SETD1A: variants seen among roughly 807,000 people sequenced by gnomAD.
SETD1A encodes the protein SET domain containing 1A, histone lysine methyltransferase.
In SETD1A, 29 loss-of-function variants were observed where a neutral mutation model predicts 149.9. The observed-to-expected ratio is 0.19, with a 90% CI of 0.14 to 0.26. SETD1A has a LOEUF of 0.26. Among genes scored for constraint, SETD1A ranks in the 10% least tolerant of loss-of-function variants. The probability of loss-of-function intolerance (pLI) is 1.00; values close to 1 mark genes in which losing one functional copy is unlikely to be tolerated. For synonymous variants in SETD1A, 1,141 were observed against 968.5 expected (o/e 1.18, Z -3.31); for missense variants, 2,109 against 2,353.1 (o/e 0.90, Z 2.15).
At chr16:30,964,542 C>A in intron 6 of SETD1A, 70 bp from the exon 7 acceptor site, 1 of 1,561,120 alleles carries the variant, frequency 6.4e-7, no homozygotes. Flanking sequence ...GCTTTGGGCC[C>A]TGGGACCCAG....
chr16:30,976,131 G>A (rs917965724), intron 13 of SETD1A, among the ~76,000 whole-genome samples: 1 of 152,094 alleles, frequency 6.6e-6, no homozygotes, highest in Non-Finnish European at 1.5e-5. Flanking sequence ...TCCAGTCCAG[G>A]CGCGGTGGCT....
At chr16:30,962,849 G>T (rs1245652011) in intron 4 of SETD1A, among the ~76,000 whole-genome samples, 1 of 152,258 alleles carries the variant, frequency 6.6e-6, no homozygotes, top group Non-Finnish European at 1.5e-5. Context: ...AGAGGCTGAG[G>T]CATGAGAATC....
intron 3 of SETD1A, among the ~76,000 whole-genome samples, chr16:30,960,648 G>T (rs1296213967): frequency 2.0e-5 from 3 of 151,868 alleles, no homozygotes; most frequent in Non-Finnish European, 1.5e-5. Context: ...CCTAGTAAAG[G>T]CTGAGCTAGG....
At chr16:30,981,510 GACT>G in intron 17 of SETD1A, among the ~76,000 whole-genome samples, 1 of 152,334 alleles carries the variant, frequency 6.6e-6, no homozygotes, top group East Asian at 1.9e-4. Flanking sequence ...GAGTAGCTGG[GACT>G]ACAGGCGTGT....
chr16:30,979,688 A>G lies in SETD1A; in HGVS notation c.3902A>G (p.Asn1301Ser), dbSNP rs1596691927. ...PLLSHILLEH[N>S]YALAVKPTPP... is the part of the protein sequence containing the mutation. The stretch of plus-strand genomic sequence containing the variant: ...CTCAGCCACATCCTCCTGGAGCACA[A>G]CTATGCCCTGGCCGTCAAGCCCACG... Residue 1301 changes from asparagine to serine, a missense_variant, in exon 14 of 19, where the codon AAC becomes AGC. By Grantham distance (46) the Asn-to-Ser change is conservative. Coordinates refer to ENST00000262519, the MANE Select transcript of SETD1A (RefSeq NM_014712.3). The G allele has an allele frequency of 6.2e-7, 1 of 1,606,376 alleles. No individual in the cohort carries two copies. Among genetic ancestry groups the G allele is most frequent in the East Asian group, 2.2e-5 (1 of 44,810 alleles).
chr16:30,962,848 G>A (rs2056073396), intron 4 of SETD1A, among the ~76,000 whole-genome samples: 1 of 152,234 alleles, frequency 6.6e-6, no homozygotes, highest in Admixed American at 6.5e-5. Context: ...GAGAGGCTGA[G>A]GCATGAGAAT....
chr16:30,965,835 C>A lies in SETD1A; in HGVS notation c.1954C>A (p.Pro652Thr). 1 of 1,606,502 alleles carries A rather than the reference C, an allele frequency of 6.2e-7. No homozygotes were observed. The highest frequency in any genetic ancestry group is 8.5e-7 in the Non-Finnish European group (1 of 1,175,622). The change falls in exon 8 of 19, where the codon CCA (proline) becomes ACA (threonine). Residue 652 changes from proline (P) to threonine (T), a missense_variant. Physicochemically the swap from Pro to Thr is conservative, Grantham distance 38. Coordinates refer to ENST00000262519, the MANE Select transcript of SETD1A (RefSeq NM_014712.3). ...CCCTGAGTACCCCCCACCTCCTCCACCACCCCCGCACATCTATGACTTTGT... is the reference window on the plus strand; with the variant it reads ...CCCTGAGTACCCCCCACCTCCTCCAACACCCCCGCACATCTATGACTTTGT... ...PPPEYPPPPP[P>T]PPHIYDFVNS...
intron 10 of SETD1A, among the ~76,000 whole-genome samples, chr16:30,967,881 C>T (rs938847723): frequency 6.6e-6 from 1 of 152,144 alleles, no homozygotes; most frequent in African/African-American, 2.4e-5. Context: ...GGCATCTCCC[C>T]AAGTTTCCCA....
In SETD1A at chr16:30,965,851, A is replaced by G. The variant is rs2056136185; in HGVS notation, c.1970A>G (p.Tyr657Cys). 2 of 1,594,788 alleles carry G rather than the reference A, an allele frequency of 1.3e-6. No homozygotes were observed. The highest frequency in any genetic ancestry group is 2.2e-5 in the South Asian group (2 of 90,304). Reference sequence around the variant, plus strand: ...CCTCCTCCACCACCCCCGCACATCTATGACTTTGTGAACTCCTTGGAGCTC... The same window carrying G: ...CCTCCTCCACCACCCCCGCACATCTGTGACTTTGTGAACTCCTTGGAGCTC... ...PPPPPPPPHI[Y>C]DFVNSLELMD... is the part of the protein sequence containing the mutation. The change falls in exon 8 of 19, where the codon TAT (tyrosine) becomes TGT (cysteine). Residue 657 changes from tyrosine (Y) to cysteine (C), a missense_variant. Coordinates refer to ENST00000262519, the MANE Select transcript of SETD1A (RefSeq NM_014712.3).
At chr16:30,958,672 G>A (rs1359905220) in intron 1 of SETD1A, 45 bp from the exon 2 acceptor site, 12 of 1,549,660 alleles carry the variant, frequency 7.7e-6, no homozygotes, top group African/African-American at 1.4e-5. Context: ...GGGGAGTCAG[G>A]CCCCAAGTCC....
chr16:30,975,497 C>T (rs921742132), intron 13 of SETD1A, among the ~76,000 whole-genome samples: 15 of 138,500 alleles, frequency 1.1e-4, no homozygotes, highest in African/African-American at 3.5e-4. Context: ...GTGGTGCAAT[C>T]TCGGCTCACT....
chr16:30,960,843 C>T (rs2056043444), intron 3 of SETD1A, among the ~76,000 whole-genome samples: 1 of 140,478 alleles, frequency 7.1e-6, no homozygotes, highest in Non-Finnish European at 1.5e-5. Context: ...TCAAGTGATT[C>T]TCCTGCCTCA....
chr16:30,983,334 C>T lies in SETD1A; in HGVS notation c.4813-301C>T, dbSNP rs545856481. On this transcript the variant is annotated intron_variant, in intron 17 of 18. Transcript: ENST00000262519. The surrounding 1 kb of genome is among the most constrained non-coding windows in gnomAD (Gnocchi z 6.8). Reference sequence around the variant, plus strand: ...CAACCCCAGACTTGCCCCAGCAGTCCGGGACCCCACTGTGACCAGGCAGAT... The same window carrying T: ...CAACCCCAGACTTGCCCCAGCAGTCTGGGACCCCACTGTGACCAGGCAGAT... Among the ~76,000 whole-genome samples, 20 of 152,286 alleles carry T rather than the reference C, an allele frequency of 1.3e-4. No individual in the cohort carries two copies. Among genetic ancestry groups the T allele is most frequent in the African/African-American group, 3.6e-4 (15 of 41,550 alleles).
rs1254275927 is a variant in SETD1A, at chr16:30,964,962, C to T, written c.1220C>T (p.Pro407Leu). 18 of 1,614,042 alleles carry T rather than the reference C, an allele frequency of 1.1e-5. No homozygotes were observed. The Admixed American group carries it at 1.5e-4, about 13-fold the overall frequency. Residue 407 changes from proline (P) to leucine (L), a missense_variant, in exon 7 of 19, where the codon CCT (proline) becomes CTT (leucine). Coordinates refer to ENST00000262519, the MANE Select transcript of SETD1A (RefSeq NM_014712.3). ...FAENTAERFP[P>L]SYTSYLPPEP... Reference sequence around the variant, plus strand: ...GAAAATACAGCTGAGCGCTTCCCACCTTCTTACACCTCCTACCTGCCCCCC... The same window carrying T: ...GAAAATACAGCTGAGCGCTTCCCACTTTCTTACACCTCCTACCTGCCCCCC...
In SETD1A at chr16:30,965,371, G is replaced by T. The variant is rs751453490; in HGVS notation, c.1629G>T (p.Pro543=). The change falls in exon 7 of 19, where the codon CCG becomes CCT. Residue 543 remains proline, a synonymous_variant. Coordinates refer to ENST00000262519, the MANE Select transcript of SETD1A (RefSeq NM_014712.3). ...GSGHGPCTPP[P]APANFEDVAP... The stretch of plus-strand genomic sequence containing the variant: ...GGCATGGGCCCTGCACACCCCCTCC[G>T]GCCCCAGCTAATTTTGAGGATGTGG... The T allele has an allele frequency of 1.2e-5, 20 of 1,611,170 alleles. No individual in the cohort carries two copies. The highest frequency in any genetic ancestry group is 1.2e-4 in the African/African-American group (9 of 74,870).
In SETD1A at chr16:30,980,359, G is replaced by A. The variant is rs1413466975; in HGVS notation, c.4409-126G>A. The stretch of plus-strand genomic sequence containing the variant: ...CTTCCAAAGCATTTCTGGCAGGAAC[G>A]ATGGGGCTGGGGCTTCCTCCCCTGT... On this transcript the variant is annotated intron_variant, in intron 14 of 18. Transcript: ENST00000262519. This position sits in a 1 kb window ranked among gnomAD's most constrained non-coding sequence, Gnocchi z 7.7. 3.4e-6 allele frequency: 5 copies of A among 1,451,498 alleles called. No homozygotes were observed. The highest frequency in any genetic ancestry group is 2.3e-5 in the East Asian group (1 of 43,588). The allele number at this position is 1,451,498 out of a possible 1,614,324, so 89.9% of individuals were successfully genotyped here.
At position 30,981,065 on chromosome 16, in the gene SETD1A, G is replaced by A; in HGVS notation, c.4697G>A (p.Arg1566Gln). The A allele has an allele frequency of 1.2e-6, 2 of 1,614,158 alleles. No homozygotes were observed. The highest frequency in any genetic ancestry group is 1.7e-6 in the Non-Finnish European group (2 of 1,180,006). ...AGTCTCCCTTCTGCCCCCCAGTTCC[G>A]GAAGAAGAAGCTCCGATTTGGCCGG... is the stretch of plus-strand genomic sequence containing the variant. ...DLLKLNQLKFRKKKLRFGRSR... is the reference protein window; with the variant it reads ...DLLKLNQLKFQKKKLRFGRSR... Residue 1566 changes from arginine to glutamine, a missense_variant, in exon 17 of 19, where the codon CGG (arginine) becomes CAG (glutamine). Coordinates refer to ENST00000262519, the MANE Select transcript of SETD1A (RefSeq NM_014712.3).
chr16:30,964,389 G>A, intron 6 of SETD1A, 66 bp downstream of exon 6: 1 of 1,407,496 alleles, frequency 7.1e-7, no homozygotes, highest in Non-Finnish European at 9.9e-7. Flanking sequence ...GGAAGAAGAT[G>A]CCCAGAGTCT....
chr16:30,966,841 C>G, intron 8 of SETD1A, 43 bp from the exon 9 acceptor site: 20 of 1,500,808 alleles, frequency 1.3e-5, no homozygotes, highest in Non-Finnish European at 1.7e-5. Context: ...GAGGGAATGC[C>G]TGGGTTCTGG....
Sources: allele counts gnomAD v4.1 joint callset (sites outside exome capture counted in the v4.1 genomes callset), GRCh38; gene constraint gnomAD v4.1.1; non-coding constraint Gnocchi (gnomAD v3.1); transcripts MANE v1.5; gene names NCBI Gene and HGNC (gene_info 2026-07-23, HGNC 2026-07-21).